The following TMPRSS15 variants were observed in gnomAD, a reference collection of about 807,000 sequenced individuals.
TMPRSS15 encodes enteropeptidase.
Under a neutral mutation model 125.3 loss-of-function variants are expected in TMPRSS15, and 128 were observed. The observed-to-expected ratio is 1.02, with a 90% CI of 0.89 to 1.18. The LOEUF (loss-of-function observed/expected upper bound fraction) is 1.18, where lower values mean the gene tolerates loss of function less well. TMPRSS15 is among the 50% of genes most tolerant of loss of function. TMPRSS15 has a pLI of 0.00. For missense variants in TMPRSS15, 1,283 were observed against 1,212.7 expected, an observed-to-expected ratio of 1.06 and a Z score of -0.86; for synonymous variants, 446 against 423.2, an observed-to-expected ratio of 1.05 and a Z score of -0.66.
intron 1 of TMPRSS15, among the ~76,000 whole-genome samples, chr21:18,469,623 A>C (rs1395328030): frequency 6.6e-6 from 1 of 152,074 alleles, no homozygotes; most frequent in Non-Finnish European, 1.5e-5. Context: ...AATCAGGAAG[A>C]AAGTATACAA....
At chr21:18,339,279 A>T (rs1273856744) in intron 13 of TMPRSS15, among the ~76,000 whole-genome samples, 42 of 152,154 alleles carry the variant, frequency 2.8e-4, no homozygotes, top group Admixed American at 2.7e-3. Flanking sequence ...GGAGGAATGT[A>T]AGTGCTCATT....
chr21:18,393,983 C>G (rs190647401), intron 3 of TMPRSS15, among the ~76,000 whole-genome samples: 1 of 152,112 alleles, frequency 6.6e-6, no homozygotes, highest in Non-Finnish European at 1.5e-5. Flanking sequence ...TAAGTAAGCC[C>G]TATATGTGTG....
At position 18,414,733 on chromosome 21, in the gene TMPRSS15, C is replaced by T. The variant is rs747822450; in HGVS notation, c.11-16404G>A. On this transcript the variant is annotated intron_variant, in intron 1 of 7. Transcript: ENST00000422787. ...AATAATCCATTTTATGCATATATCA[C>T]ATGCTTCTTTATCCATTTATCTGTC... Among the ~76,000 whole-genome samples the T allele has an allele frequency of 2.6e-5, 4 of 152,288 alleles. 1 individual carries two copies. The South Asian group carries it at 8.3e-4, about 32-fold the overall frequency.
intron 18 of TMPRSS15, among the ~76,000 whole-genome samples, chr21:18,308,763 C>T (rs1192564378): frequency 1.3e-5 from 2 of 152,014 alleles, no homozygotes; most frequent in African/African-American, 2.4e-5. Context: ...ACTGACAGGC[C>T]CTGGTGTGTG....
At chr21:18,378,314 C>T (rs1601412939) in intron 5 of TMPRSS15, among the ~76,000 whole-genome samples, 1 of 151,928 alleles carries the variant, frequency 6.6e-6, no homozygotes, top group Non-Finnish European at 1.5e-5. Context: ...CAGTGGCAGG[C>T]TTTCTTTTGT....
intron 1 of TMPRSS15, among the ~76,000 whole-genome samples, chr21:18,441,423 G>A (rs2076241189): frequency 1.3e-5 from 2 of 151,472 alleles, no homozygotes; most frequent in African/African-American, 2.4e-5. Flanking sequence ...TGGCTAACAT[G>A]GTGAAACCCC....
chr21:18,282,772 T>G (rs2074716770), intron 21 of TMPRSS15, among the ~76,000 whole-genome samples: 1 of 152,164 alleles, frequency 6.6e-6, no homozygotes, highest in Non-Finnish European at 1.5e-5. Flanking sequence ...GCTGATTATC[T>G]AAATGGTAGG....
At chr21:18,402,462 G>C (rs1002230974) in intron 1 of TMPRSS15, among the ~76,000 whole-genome samples, 2 of 150,660 alleles carry the variant, frequency 1.3e-5, no homozygotes, top group African/African-American at 4.9e-5. Context: ...CCAGGAGGTG[G>C]AGGTTGCAGT....
intron 3 of TMPRSS15, among the ~76,000 whole-genome samples, chr21:18,392,924 C>T (rs1439809986): frequency 6.6e-6 from 1 of 152,058 alleles, no homozygotes; most frequent in Non-Finnish European, 1.5e-5. Context: ...GAGAAACTGC[C>T]CCCATTCCAA....
rs985393260 is a variant in TMPRSS15, at chr21:18,297,831, T to C, written c.2166-2A>G. 52 of 1,605,786 alleles carry C rather than the reference T, an allele frequency of 3.2e-5. No homozygotes were observed. Among genetic ancestry groups the C allele is most frequent in the Non-Finnish European group, 4.3e-5 (50 of 1,172,980 alleles). ...ATTGGCTTTGATGAGTTTCCACTCCTAGAGAAAAAAGAAAAAAGCATACAG... is the reference window on the plus strand; with the variant it reads ...ATTGGCTTTGATGAGTTTCCACTCCCAGAGAAAAAAGAAAAAAGCATACAG... On this transcript the variant is annotated splice_acceptor_variant, in intron 18 of 24. Transcript: ENST00000284885. LOFTEE classifies it high-confidence loss of function.
intron 1 of TMPRSS15, among the ~76,000 whole-genome samples, chr21:18,416,479 A>G (rs2076180490): frequency 6.6e-6 from 1 of 152,018 alleles, no homozygotes; most frequent in Middle Eastern, 3.2e-3. Context: ...AAATTTGTAG[A>G]CTTACTATTA....
At chr21:18,359,475 T>C (rs1047088339) in intron 8 of TMPRSS15, among the ~76,000 whole-genome samples, 5 of 152,068 alleles carry the variant, frequency 3.3e-5, no homozygotes, top group Non-Finnish European at 7.4e-5. Context: ...ATTTAAACAA[T>C]GTATGGTAAC....
At chr21:18,281,640 A>G (rs2074699491) in intron 21 of TMPRSS15, among the ~76,000 whole-genome samples, 2 of 152,152 alleles carry the variant, frequency 1.3e-5, no homozygotes, top group Admixed American at 6.5e-5. Context: ...TACTATATAT[A>G]ATATATGGCT....
intron 24 of TMPRSS15, among the ~76,000 whole-genome samples, chr21:18,271,707 G>A (rs1379674293): frequency 6.6e-6 from 1 of 151,698 alleles, no homozygotes; most frequent in African/African-American, 2.4e-5. Flanking sequence ...CTATTGACCC[G>A]CCCTCTAAGT....
chr21:18,278,723 A>AAAAC (rs1282687542), intron 23 of TMPRSS15, among the ~76,000 whole-genome samples: 1 of 152,186 alleles, frequency 6.6e-6, no homozygotes, highest in Non-Finnish European at 1.5e-5. Context: ...CTCCGTCTCA[A>AAAAC]AAACAAACAA....
At chr21:18,334,423 G>A (rs2075372487) in intron 13 of TMPRSS15, among the ~76,000 whole-genome samples, 1 of 152,134 alleles carries the variant, frequency 6.6e-6, no homozygotes, top group Non-Finnish European at 1.5e-5. Context: ...TCTCATATGG[G>A]GAGAGAACGC....
chr21:18,349,123 T>G (rs970079372), intron 10 of TMPRSS15, among the ~76,000 whole-genome samples: 1 of 152,202 alleles, frequency 6.6e-6, no homozygotes, highest in Non-Finnish European at 1.5e-5. Context: ...CAATTGCAAT[T>G]TCACTGGTAA....
intron 23 of TMPRSS15, 40 bp downstream of exon 23, chr21:18,278,924 G>GTTTGTTTGTT: frequency 2.3e-6 from 1 of 438,022 alleles, no homozygotes; most frequent in South Asian, 2.1e-5. Flanking sequence ...CACCAGTAAG[G>GTTTGTTTGTT]TTTTTTTTTT....
upstream of TMPRSS15, among the ~76,000 whole-genome samples, chr21:18,405,952 C>A (rs1365182531): frequency 1.3e-5 from 2 of 151,960 alleles, no homozygotes; most frequent in African/African-American, 2.4e-5. Context: ...AAAAATAAAA[C>A]CCTAAGCCAC....
Sources: allele counts gnomAD v4.1 joint callset (sites outside exome capture counted in the v4.1 genomes callset), GRCh38; gene constraint gnomAD v4.1.1; transcripts MANE v1.5; gene names NCBI Gene and HGNC (gene_info 2026-07-23, HGNC 2026-07-21).